ACOT13: variants seen among roughly 807,000 people sequenced by gnomAD.
The protein encoded by ACOT13 is acyl-CoA thioesterase 13.
Under a neutral mutation model 11.8 loss-of-function variants are expected in ACOT13, and 10 were observed. The observed-to-expected ratio is 0.85, with a 90% CI of 0.53 to 1.44. The LOEUF (loss-of-function observed/expected upper bound fraction) is 1.44. Ranked by LOEUF, ACOT13 falls within the 40% of genes most tolerant of loss-of-function variation. The probability of loss-of-function intolerance (pLI) is 0.00; values close to 1 mark genes in which losing one functional copy is unlikely to be tolerated. For synonymous variants in ACOT13, 53 were observed against 61.0 expected, an observed-to-expected ratio of 0.87 and a Z score of 0.61; for missense variants, 172 against 174.1, an observed-to-expected ratio of 0.99 and a Z score of 0.07.
At chr6:24,696,336 CCTACAT>C (rs1283635568) in intron 1 of ACOT13, among the ~76,000 whole-genome samples, 1 of 152,098 alleles carries the variant, frequency 6.6e-6, no homozygotes, top group African/African-American at 2.4e-5. Context: ...GGTGGAAAGA[CCTACAT>C]CTACATCTCA....
chr6:24,693,442 C>T (rs1778746970), intron 1 of ACOT13, among the ~76,000 whole-genome samples: 1 of 152,162 alleles, frequency 6.6e-6, no homozygotes. Context: ...ATGGCAGTGG[C>T]TTGTTTATCC....
rs1448948662 is a variant in ACOT13, at chr6:24,702,625, T to A, written c.*1010T>A. Reference sequence around the variant, plus strand: ...CTAAAATGCCAAGCTACACTTGCATTTCCTTTTTTTAAGATTATGAAACTT... The same window carrying A: ...CTAAAATGCCAAGCTACACTTGCATATCCTTTTTTTAAGATTATGAAACTT... On this transcript the variant is annotated 3_prime_UTR_variant, in exon 3 of 3. Transcript: ENST00000230048. 6.6e-6 allele frequency: 1 copy of A among 152,036 alleles called. No homozygotes were observed. Among genetic ancestry groups the A allele is most frequent in the African/African-American group, 2.4e-5 (1 of 41,322 alleles). The allele number at this position is 152,036 out of a possible 1,614,324, so 9.4% of individuals were successfully genotyped here.
intron 1 of ACOT13, among the ~76,000 whole-genome samples, chr6:24,679,803 A>C (rs941286874): frequency 6.6e-6 from 1 of 152,238 alleles, no homozygotes; most frequent in African/African-American, 2.4e-5. Context: ...TCTCCACATC[A>C]GATCAAAAGA....
chr6:24,687,705 A>ATTTT (rs3033242), intron 1 of ACOT13: 1,026 of 1,284,680 alleles, frequency 8.0e-4, no homozygotes, highest in South Asian at 4.8e-3. Flanking sequence ...TAAGAATAGA[A>ATTTT]TTTTTTTTTT....
At chr6:24,671,588 G>T (rs544111068) in intron 1 of ACOT13, among the ~76,000 whole-genome samples, 25 of 152,108 alleles carry the variant, frequency 1.6e-4, no homozygotes, top group Admixed American at 1.4e-3. Flanking sequence ...TTGTGCACAT[G>T]TACCCTAGAA....
intron 1 of ACOT13, chr6:24,687,794 C>T (rs1218175737): frequency 1.7e-6 from 2 of 1,191,254 alleles, no homozygotes; most frequent in Non-Finnish European, 2.3e-6. Context: ...CAACTGCAAC[C>T]TCTGCCTCCC....
chr6:24,675,518 T>A (rs1264920019), intron 1 of ACOT13, among the ~76,000 whole-genome samples: 2 of 152,276 alleles, frequency 1.3e-5, no homozygotes, highest in African/African-American at 2.4e-5. Flanking sequence ...GTTGGCTGCA[T>A]AAATGTCTTA....
At chr6:24,673,063 C>T (rs1480774323) in intron 1 of ACOT13, among the ~76,000 whole-genome samples, 1 of 152,058 alleles carries the variant, frequency 6.6e-6, no homozygotes, top group East Asian at 1.9e-4. Flanking sequence ...GTCACAAGGA[C>T]TTTAAAAGCA....
At chr6:24,688,034 A>C (rs1049076745) in intron 1 of ACOT13, among the ~76,000 whole-genome samples, 2 of 152,116 alleles carry the variant, frequency 1.3e-5, no homozygotes, top group Non-Finnish European at 2.9e-5. Flanking sequence ...TCTTATACTT[A>C]CTATTAATAG....
chr6:24,695,398 T>C (rs1464332537), intron 1 of ACOT13, among the ~76,000 whole-genome samples: 1 of 152,186 alleles, frequency 6.6e-6, no homozygotes, highest in Non-Finnish European at 1.5e-5. Context: ...CTGCCTGGCT[T>C]TTTCCCTTAT....
intron 1 of ACOT13, among the ~76,000 whole-genome samples, chr6:24,678,676 C>T (rs1009629596): frequency 1.3e-5 from 2 of 152,164 alleles, no homozygotes; most frequent in Admixed American, 6.5e-5. Context: ...TATATAATGG[C>T]CCCTGCTTTT....
chr6:24,681,224 T>A (rs1715849362), intron 1 of ACOT13, among the ~76,000 whole-genome samples: 1 of 152,236 alleles, frequency 6.6e-6, no homozygotes, highest in Admixed American at 6.5e-5. Flanking sequence ...TGAGGTGTGC[T>A]CACAAGAAGG....
chr6:24,699,027 A>T (rs1778845706), intron 2 of ACOT13, among the ~76,000 whole-genome samples: 1 of 152,154 alleles, frequency 6.6e-6, no homozygotes, highest in Non-Finnish European at 1.5e-5. Context: ...AATGTAAGAA[A>T]CTCAATTCCA....
At chr6:24,672,097 A>G (rs987805115) in intron 1 of ACOT13, among the ~76,000 whole-genome samples, 2 of 152,236 alleles carry the variant, frequency 1.3e-5, no homozygotes, top group Admixed American at 6.5e-5. Flanking sequence ...GATTTTGGAA[A>G]GTTTGTCAAA....
At position 24,704,091 on chromosome 6, in the gene ACOT13, T is replaced by C. The variant is rs985629276; in HGVS notation, c.*2476T>C. On this transcript the variant is annotated 3_prime_UTR_variant, in exon 3 of 3. Transcript: ENST00000230048. ...CAAAACGAATATGGATGATAAAGAG[T>C]ATCAACATTCCCTGAGTTTGGTAAT... 7 of 151,502 alleles carry C rather than the reference T, an allele frequency of 4.6e-5. No homozygotes were observed. Among genetic ancestry groups the C allele is most frequent in the African/African-American group, 1.7e-4 (7 of 41,046 alleles). 9.4% of individuals were successfully genotyped at this position (151,502 alleles called of 1,614,324 possible). A position where few individuals can be genotyped will look rare whatever the true frequency, so the allele number is the denominator to read the frequency against.
At chr6:24,694,013 C>T (rs939056123) in intron 1 of ACOT13, among the ~76,000 whole-genome samples, 5 of 152,156 alleles carry the variant, frequency 3.3e-5, no homozygotes, top group Admixed American at 1.3e-4. Flanking sequence ...GACGAAGTTG[C>T]ATAAACTCAT....
In ACOT13 at chr6:24,704,583, A is replaced by T. The variant is rs1181046881; in HGVS notation, c.*2968A>T. On this transcript the variant is annotated 3_prime_UTR_variant, in exon 3 of 3. Coordinates refer to ENST00000230048, the MANE Select transcript of ACOT13 (RefSeq NM_018473.4). ...TACCTGGTTATAATAAACATTCAAA[A>T]TGTTATTTCAAATAGATTCTAATTT... The T allele has an allele frequency of 6.6e-6, 1 of 152,226 alleles. No homozygotes were observed. Among genetic ancestry groups the T allele is most frequent in the Non-Finnish European group, 1.5e-5 (1 of 68,038 alleles). 9.4% of individuals were successfully genotyped at this position (152,226 alleles called of 1,614,324 possible).
At chr6:24,669,248 T>C (rs749224698) in intron 1 of ACOT13, among the ~76,000 whole-genome samples, 13 of 152,216 alleles carry the variant, frequency 8.5e-5, no homozygotes, top group Non-Finnish European at 1.5e-4. Flanking sequence ...TAGGGACATA[T>C]AAGACATCAA....
intron 1 of ACOT13, among the ~76,000 whole-genome samples, chr6:24,677,653 G>C (rs752425674): frequency 6.6e-6 from 1 of 152,210 alleles, no homozygotes; most frequent in African/African-American, 2.4e-5. Flanking sequence ...GCTTGGGTTA[G>C]GGCCTTCTTT....
Sources: gnomAD v4.1 joint callset for allele counts (sites outside exome capture counted in the v4.1 genomes callset) on GRCh38, gnomAD v4.1.1 for gene constraint, MANE v1.5 for transcripts, NCBI Gene and HGNC (gene_info 2026-07-23, HGNC 2026-07-21) for gene names.